Variants in CADPS2 observed in about 807,000 individuals in gnomAD.
The protein encoded by CADPS2 is calcium-dependent secretion activator 2.
Under a neutral mutation model 172.5 loss-of-function variants are expected in CADPS2, and 93 were observed. The observed-to-expected ratio is 0.54, with a 90% CI of 0.46 to 0.64. The LOEUF (loss-of-function observed/expected upper bound fraction) is 0.64. Ranked by LOEUF, CADPS2 falls within the 30% of genes least tolerant of loss-of-function variation. The probability of loss-of-function intolerance (pLI) is 0.00; values close to 1 mark genes in which losing one functional copy is unlikely to be tolerated. For missense variants in CADPS2, 1,420 were observed against 1,565.9 expected (o/e 0.91, Z 1.57); for synonymous variants, 546 against 555.2 (o/e 0.98, Z 0.23).
intron 8 of CADPS2, among the ~76,000 whole-genome samples, chr7:122,540,996 T>C (rs1417578942): frequency 6.6e-6 from 1 of 152,110 alleles, no homozygotes; most frequent in Non-Finnish European, 1.5e-5. Flanking sequence ...TACTTAATGC[T>C]GGCAGAAAAT....
At chr7:122,884,767 A>T (rs183798315) in intron 1 of CADPS2, among the ~76,000 whole-genome samples, 1 of 152,372 alleles carries the variant, frequency 6.6e-6, no homozygotes. Flanking sequence ...TTATACACCT[A>T]TGAAACCACC....
At chr7:122,561,038 T>G (rs191350002) in intron 7 of CADPS2, among the ~76,000 whole-genome samples, 1 of 152,280 alleles carries the variant, frequency 6.6e-6, no homozygotes, top group Admixed American at 6.5e-5. Context: ...CACTTGAGGT[T>G]GCTAAATCTA....
chr7:122,776,358 G>A (rs1342889561), intron 1 of CADPS2, among the ~76,000 whole-genome samples: 1 of 152,138 alleles, frequency 6.6e-6, no homozygotes, highest in Non-Finnish European at 1.5e-5. Context: ...CCACAGCCAT[G>A]AGGAACTATC....
At chr7:122,660,725 A>G (rs1397944479) in intron 3 of CADPS2, among the ~76,000 whole-genome samples, 2 of 152,098 alleles carry the variant, frequency 1.3e-5, no homozygotes, top group Non-Finnish European at 1.5e-5. Context: ...CCCTGCCAAC[A>G]TGGTGAAACC....
At chr7:122,789,980 TAAG>T (rs1254145061) in intron 1 of CADPS2, among the ~76,000 whole-genome samples, 1 of 145,296 alleles carries the variant, frequency 6.9e-6, no homozygotes, top group Admixed American at 6.9e-5. Flanking sequence ...GAAAGAAACA[TAAG>T]AAATTCTACA....
chr7:122,505,371 G>T (rs1336758778), intron 9 of CADPS2, among the ~76,000 whole-genome samples: 1 of 152,096 alleles, frequency 6.6e-6, no homozygotes, highest in African/African-American at 2.4e-5. Context: ...TTTAAAAAAT[G>T]CTAGAGATAT....
At chr7:122,679,902 C>T (rs1046988430) in intron 2 of CADPS2, among the ~76,000 whole-genome samples, 2 of 152,140 alleles carry the variant, frequency 1.3e-5, no homozygotes, top group Non-Finnish European at 2.9e-5. Flanking sequence ...TTTTTAGTCC[C>T]TGAGAAAGAA....
chr7:122,345,543 G>A (rs2037455070), intron 28 of CADPS2, 31 bp downstream of exon 28: 1 of 1,290,492 alleles, frequency 7.7e-7, no homozygotes, highest in Non-Finnish European at 1.1e-6. Context: ...TATCTATGGT[G>A]TCAGCATACC....
At chr7:122,405,890 T>A (rs1420263720) in intron 20 of CADPS2, among the ~76,000 whole-genome samples, 1 of 152,220 alleles carries the variant, frequency 6.6e-6, no homozygotes, top group Non-Finnish European at 1.5e-5. Flanking sequence ...TGAGTTATCA[T>A]CTTATTTAAT....
At chr7:122,370,553 T>C (rs916243846) in intron 25 of CADPS2, among the ~76,000 whole-genome samples, 2 of 152,004 alleles carry the variant, frequency 1.3e-5, no homozygotes, top group Admixed American at 1.3e-4. Context: ...TGACAAGCAG[T>C]GTACAAAGAA....
At chr7:122,404,779 A>C (rs1306180578) in intron 20 of CADPS2, among the ~76,000 whole-genome samples, 2 of 152,198 alleles carry the variant, frequency 1.3e-5, no homozygotes, top group Non-Finnish European at 2.9e-5. Context: ...AATACATCTA[A>C]GTATGTTTGA....
chr7:122,380,568 C>T (rs1470987746), intron 24 of CADPS2, among the ~76,000 whole-genome samples: 1 of 152,006 alleles, frequency 6.6e-6, no homozygotes, highest in South Asian at 2.1e-4. Context: ...CTCCACCCCT[C>T]TCCCCAAGGG....
intron 8 of CADPS2, among the ~76,000 whole-genome samples, chr7:122,537,614 A>C (rs906660540): frequency 2.0e-5 from 3 of 151,902 alleles, no homozygotes; most frequent in Non-Finnish European, 4.4e-5. Flanking sequence ...GGGATATAAG[A>C]AATACTGGGA....
intron 1 of CADPS2, among the ~76,000 whole-genome samples, chr7:122,827,409 C>T (rs1454206329): frequency 8.1e-5 from 2 of 24,790 alleles, no homozygotes; most frequent in Non-Finnish European, 1.4e-4. Context: ...GTAATCCCAG[C>T]ACTTTGGGAG....
At chr7:122,843,213 C>G (rs1213437597) in intron 1 of CADPS2, among the ~76,000 whole-genome samples, 2 of 151,754 alleles carry the variant, frequency 1.3e-5, no homozygotes, top group African/African-American at 4.8e-5. Flanking sequence ...AGCATGTACT[C>G]AATCACACAT....
chr7:122,444,152 T>C (rs2051789463), intron 15 of CADPS2, among the ~76,000 whole-genome samples: 1 of 152,154 alleles, frequency 6.6e-6, no homozygotes, highest in Non-Finnish European at 1.5e-5. Flanking sequence ...ATATCAAGAG[T>C]TCATTCCTTT....
intron 25 of CADPS2, chr7:122,369,895 T>C (rs1000645263): frequency 1.3e-5 from 2 of 152,290 alleles, no homozygotes; most frequent in Non-Finnish European, 2.9e-5. Flanking sequence ...AATCTTCTTA[T>C]AATGCAAATC....
At chr7:122,564,711 T>G (rs2066179513) in intron 7 of CADPS2, among the ~76,000 whole-genome samples, 1 of 152,120 alleles carries the variant, frequency 6.6e-6, no homozygotes, top group African/African-American at 2.4e-5. Flanking sequence ...GACACCTGCA[T>G]GCCTACGTTT....
At chr7:122,450,596 C>CAT (rs1172586002) in intron 15 of CADPS2, among the ~76,000 whole-genome samples, 1 of 123,570 alleles carries the variant, frequency 8.1e-6, no homozygotes, top group South Asian at 2.8e-4. Flanking sequence ...GTGGTGTGAT[C>CAT]ATAGCTCACT....
Sources: allele counts gnomAD v4.1 joint callset (sites outside exome capture counted in the v4.1 genomes callset), GRCh38; gene constraint gnomAD v4.1.1; transcripts MANE v1.5; gene names NCBI Gene and HGNC (gene_info 2026-07-23, HGNC 2026-07-21).